USP7: variants seen among roughly 807,000 people sequenced by gnomAD.
The protein encoded by USP7 is ubiquitin C-terminal hydrolase 7.
Under a neutral mutation model 162.9 loss-of-function variants are expected in USP7, and 9 were observed. The observed-to-expected ratio is 0.06, with a 90% CI of 0.03 to 0.10. The LOEUF (loss-of-function observed/expected upper bound fraction) is 0.10, where lower values mean the gene tolerates loss of function less well. Ranked by LOEUF, USP7 falls within the 10% of genes least tolerant of loss-of-function variation. The probability of loss-of-function intolerance (pLI) is 1.00; values close to 1 mark genes in which losing one functional copy is unlikely to be tolerated. For missense variants in USP7, 715 were observed against 1,373.7 expected (o/e 0.52, Z 7.58); for synonymous variants, 562 against 475.9 (o/e 1.18, Z -2.35).
intron 4 of USP7, among the ~76,000 whole-genome samples, chr16:8,920,847 G>C (rs940859663): frequency 1.3e-5 from 2 of 152,188 alleles, no homozygotes; most frequent in African/African-American, 4.8e-5. Flanking sequence ...GATTACTGGA[G>C]TCACATGGAA....
intron 1 of USP7, among the ~76,000 whole-genome samples, chr16:8,944,057 A>C (rs1490213957): frequency 2.0e-5 from 3 of 152,184 alleles, no homozygotes; most frequent in African/African-American, 4.8e-5. Context: ...GAAATTAAAA[A>C]CAAACAAAAA....
intron 2 of USP7, among the ~76,000 whole-genome samples, chr16:8,929,785 T>G (rs556341252): frequency 3.3e-5 from 5 of 152,304 alleles, no homozygotes; most frequent in African/African-American, 1.2e-4. Flanking sequence ...TGAGTATGCT[T>G]TCTCACAGAG....
intron 5 of USP7, among the ~76,000 whole-genome samples, chr16:8,919,866 C>T (rs1897591162): frequency 1.3e-5 from 2 of 152,180 alleles, no homozygotes; most frequent in Admixed American, 1.3e-4. Context: ...CACCTTGCCA[C>T]TCCAGGGGTT....
intron 30 of USP7, among the ~76,000 whole-genome samples, 168 bp from the exon 31 acceptor site, chr16:8,894,272 T>C (rs1394516803): frequency 6.6e-6 from 1 of 152,164 alleles, no homozygotes; most frequent in Admixed American, 6.5e-5. Context: ...GCCCACACCC[T>C]GACTGCGCCT....
intron 8 of USP7, 96 bp from the exon 9 acceptor site, chr16:8,915,621 A>G: frequency 9.3e-7 from 1 of 1,073,464 alleles, no homozygotes; most frequent in Non-Finnish European, 1.4e-6. Context: ...TGTTCAAAGA[A>G]GTTGTAGACT....
Position 8,893,688 on chromosome 16 carries a change from A to C in USP7, c.*310T>G, listed in dbSNP as rs997286569. 1 of 330,834 alleles carries C rather than the reference A, an allele frequency of 3.0e-6. No homozygotes were observed. The highest frequency in any genetic ancestry group is 2.1e-5 in the African/African-American group (1 of 47,298). The allele number at this position is 330,834 out of a possible 1,614,324, so 20.5% of individuals were successfully genotyped here. A position where few individuals can be genotyped will look rare whatever the true frequency, so the allele number is the denominator to read the frequency against. Reference sequence around the variant, plus strand: ...CGTGCCCACTAGGGACAGCCCAGAGACCTTGAGCCAGGGACCCCCGATCCA... The same window carrying C: ...CGTGCCCACTAGGGACAGCCCAGAGCCCTTGAGCCAGGGACCCCCGATCCA... On this transcript the variant is annotated 3_prime_UTR_variant, in exon 31 of 31. Coordinates refer to ENST00000344836, the MANE Select transcript of USP7 (RefSeq NM_003470.3).
chr16:8,960,578 T>C (rs2141270212), intron 1 of USP7, among the ~76,000 whole-genome samples: 2 of 152,268 alleles, frequency 1.3e-5, no homozygotes, highest in East Asian at 3.9e-4. Context: ...AAGCCTTCCC[T>C]TCCTCAAGCT....
Position 8,902,525 on chromosome 16 carries a change from A to G in USP7, c.1840-43T>C, listed in dbSNP as rs375139030. 4.7e-5 allele frequency: 72 copies of G among 1,536,680 alleles called. No homozygotes were observed. In the African/African-American group the frequency reaches 8.8e-4, roughly 19 times the overall value. On this transcript the variant is annotated intron_variant, in intron 16 of 30. Coordinates refer to ENST00000344836, the MANE Select transcript of USP7 (RefSeq NM_003470.3). ...AGTAGATTAAAATAAAAACACGCTC[A>G]TATTTTAGTCCTCTATATTACACAC... is the stretch of plus-strand genomic sequence containing the variant.
intron 26 of USP7, among the ~76,000 whole-genome samples, chr16:8,896,238 G>A (rs766598816): frequency 2.6e-5 from 4 of 151,446 alleles, no homozygotes; most frequent in Non-Finnish European, 4.4e-5. Context: ...TAAGATTAAA[G>A]GGCTCTGCTG....
intron 1 of USP7, among the ~76,000 whole-genome samples, chr16:8,961,527 G>C (rs1366510437): frequency 3.1e-5 from 4 of 128,252 alleles, no homozygotes; most frequent in Admixed American, 8.6e-5. Context: ...CAAATACCTT[G>C]AAATTTGTGG....
At chr16:8,952,261 A>C (rs1356207954) in intron 1 of USP7, among the ~76,000 whole-genome samples, 1 of 152,174 alleles carries the variant, frequency 6.6e-6, no homozygotes, top group Non-Finnish European at 1.5e-5. Context: ...AAAAATATTA[A>C]TTAAAATTCA....
chr16:8,901,294 A>C, intron 18 of USP7, 60 bp from the exon 19 acceptor site: 1 of 1,189,858 alleles, frequency 8.4e-7, no homozygotes, highest in Non-Finnish European at 1.2e-6. Context: ...TGCTTAAAAA[A>C]CAAAAAAACA....
chr16:8,897,716 A>ATCTAT (rs1596350235), intron 25 of USP7, among the ~76,000 whole-genome samples: 1 of 46,218 alleles, frequency 2.2e-5, no homozygotes, highest in Non-Finnish European at 4.0e-5. Flanking sequence ...AAAAAAAAAA[A>ATCTAT]AAAAAAAAAA....
chr16:8,936,484 AG>A, intron 1 of USP7: 1 of 1,276,638 alleles, frequency 7.8e-7, no homozygotes, highest in Non-Finnish European at 1.0e-6. Context: ...CTAGATGTAT[AG>A]CCCCAAATAT....
chr16:8,936,852 C>A (rs1183482929), intron 1 of USP7: 5 of 930,274 alleles, frequency 5.4e-6, no homozygotes, highest in Non-Finnish European at 6.9e-6. Context: ...CTGAAAGAAT[C>A]TGACTTTGGT....
chr16:8,952,144 G>A (rs1899583504), intron 1 of USP7, among the ~76,000 whole-genome samples: 2 of 152,156 alleles, frequency 1.3e-5, no homozygotes, highest in Non-Finnish European at 2.9e-5. Flanking sequence ...CAGTCACTAG[G>A]GAGGCTGAGG....
At chr16:8,904,926 C>T (rs748797684) in intron 14 of USP7, among the ~76,000 whole-genome samples, 1 of 152,236 alleles carries the variant, frequency 6.6e-6, no homozygotes, top group South Asian at 2.1e-4. Flanking sequence ...GAGCCGAGAT[C>T]GCGCCACTGC....
intron 1 of USP7, among the ~76,000 whole-genome samples, chr16:8,954,940 C>A (rs1043658678): frequency 1.3e-5 from 2 of 152,132 alleles, no homozygotes; most frequent in African/African-American, 2.4e-5. Flanking sequence ...ACCCTGACAA[C>A]AGAGCGAGAC....
At chr16:8,936,814 G>T (rs1898763643) in intron 1 of USP7, 1 of 1,154,910 alleles carries the variant, frequency 8.7e-7, no homozygotes, top group Non-Finnish European at 1.1e-6. Flanking sequence ...GAACAGAAGA[G>T]GATATTAATG....
Sources: gnomAD v4.1 joint callset for allele counts (sites outside exome capture counted in the v4.1 genomes callset) on GRCh38, gnomAD v4.1.1 for gene constraint, MANE v1.5 for transcripts, NCBI Gene and HGNC (gene_info 2026-07-23, HGNC 2026-07-21) for gene names.